The following METTL27 variants were observed in gnomAD, a reference collection of about 807,000 sequenced individuals.
The protein encoded by METTL27 is methyltransferase-like protein 27.
METTL27 carries 29 observed loss-of-function variants against 24.5 expected under a neutral mutation model. The ratio of observed to expected loss-of-function variants is 1.18; its 90% CI spans 0.88 to 1.61. The LOEUF is 1.61. Among genes scored for constraint, METTL27 ranks in the 40% most tolerant of loss-of-function variants. The pLI is 0.00. For missense variants in METTL27, 341 were observed against 324.3 expected (o/e 1.05, Z -0.40); for synonymous variants, 138 against 146.8 (o/e 0.94, Z 0.43).
intron 5 of METTL27, chr7:73,839,710 G>C (rs1788296935): frequency 6.6e-6 from 2 of 301,574 alleles, no homozygotes. Context: ...GATTTCACCT[G>C]ATTCTCACTG....
At chr7:73,842,445 A>C in intron 1 of METTL27, 45 bp downstream of exon 1, 3 of 353,846 alleles carry the variant, frequency 8.5e-6, no homozygotes, top group African/African-American at 2.1e-5. Flanking sequence ...GGTGGGCGAC[A>C]TCCGGAGCGA....
At chr7:73,840,975 C>G in intron 3 of METTL27, 95 bp downstream of exon 3, 2 of 1,382,054 alleles carry the variant, frequency 1.4e-6, no homozygotes, top group Non-Finnish European at 1.9e-6. Context: ...AACAGTGAGT[C>G]TGAGGTGTGG....
At chr7:73,836,193 CCCG>C (rs1788185799) in intron 5 of METTL27, among the ~76,000 whole-genome samples, 6 of 45,492 alleles carry the variant, frequency 1.3e-4, no homozygotes, top group Non-Finnish European at 2.6e-4. Context: ...GGGTCAGCCC[CCCG>C]CCAGGCCAGC....
intron 5 of METTL27, chr7:73,839,510 G>A (rs552619293): frequency 6.5e-6 from 1 of 153,340 alleles, no homozygotes; most frequent in East Asian, 1.9e-4. Context: ...AATGTGCAAA[G>A]TTTACAAACG....
chr7:73,836,178 TA>T (rs1788184381), intron 5 of METTL27, among the ~76,000 whole-genome samples: 2 of 59,036 alleles, frequency 3.4e-5, no homozygotes, highest in African/African-American at 1.3e-4. Context: ...GGGAGGGAGG[TA>T]GGGGGGTCAG....
At chr7:73,837,942 C>A (rs377685191) in intron 5 of METTL27, among the ~76,000 whole-genome samples, 35 of 151,820 alleles carry the variant, frequency 2.3e-4, no homozygotes, top group African/African-American at 8.5e-4. Context: ...CTCCAACTCA[C>A]GAGCTCAAGC....
At position 73,840,796 on chromosome 7, in the gene METTL27, C is replaced by T. The variant is rs551945245; in HGVS notation, c.253-247G>A. 2.0e-5 allele frequency among the ~76,000 whole-genome samples: 3 copies of T among 152,148 alleles called. No homozygotes were observed. In the South Asian group the frequency reaches 6.2e-4, roughly 32 times the overall value. On this transcript the variant is annotated intron_variant, in intron 3 of 5. Coordinates refer to ENST00000297873, the MANE Select transcript of METTL27 (RefSeq NM_152559.3). ...ACCTCAGCCTCCCATGTAGCTGGGACTACAGGCGTGCACCACCCTGCCTGG... is the reference window on the plus strand; with the variant it reads ...ACCTCAGCCTCCCATGTAGCTGGGATTACAGGCGTGCACCACCCTGCCTGG...
At chr7:73,840,592 A>C (rs1192815658) in intron 3 of METTL27, 43 bp from the exon 4 acceptor site, 1 of 1,530,386 alleles carries the variant, frequency 6.5e-7, no homozygotes, top group African/African-American at 1.4e-5. Context: ...CACACCTGCC[A>C]CTTCCCGGCT....
chr7:73,838,727 C>T (rs1251921977), intron 5 of METTL27, among the ~76,000 whole-genome samples: 1 of 152,218 alleles, frequency 6.6e-6, no homozygotes, highest in Non-Finnish European at 1.5e-5. Context: ...TTCGACCTTT[C>T]CAGCTGACCC....
rs782290369 is a variant in METTL27, at chr7:73,834,720, A to AGCTGGGG, written c.*16_*22dup. The AGCTGGGG allele has an allele frequency of 6.2e-7, 1 of 1,605,134 alleles. No individual in the cohort carries two copies. Among genetic ancestry groups the AGCTGGGG allele is most frequent in the South Asian group, 1.1e-5 (1 of 90,122 alleles). On this transcript the variant is annotated 3_prime_UTR_variant, in exon 6 of 6. Transcript: ENST00000297873. ...CTAAGGCCACATGGAGTCAGGGGCC[A>AGCTGGGG]GCTGGGGGCTGGGGGCTGGATCTCA... is the stretch of plus-strand genomic sequence containing the variant.
chr7:73,840,479 G>A lies in METTL27; in HGVS notation c.323C>T (p.Ala108Val), dbSNP rs782645246. ...GSPGMLEQAQAPGLYQRLSLC... is the reference protein window; with the variant it reads ...GSPGMLEQAQVPGLYQRLSLC... Reference sequence around the variant, plus strand: ...GCTGAGGCGCTGATAGAGGCCGGGGGCCTGGGCCTGTTCCAGCATCCCTGG... The same window carrying A: ...GCTGAGGCGCTGATAGAGGCCGGGGACCTGGGCCTGTTCCAGCATCCCTGG... The change falls in exon 4 of 6, where the codon GCC (alanine) becomes GTC (valine). Residue 108 changes from alanine (A) to valine (V), a missense_variant. Ala to Val is a moderately conservative substitution (Grantham distance 64, BLOSUM62 0). Coordinates refer to ENST00000297873, the MANE Select transcript of METTL27 (RefSeq NM_152559.3). 3.7e-6 allele frequency: 6 copies of A among 1,609,574 alleles called. No homozygotes were observed. The African/African-American group carries it at 4.0e-5, about 11-fold the overall frequency.
intron 5 of METTL27, chr7:73,839,692 A>T: frequency 3.9e-6 from 1 of 254,286 alleles, no homozygotes; most frequent in Non-Finnish European, 7.5e-6. Context: ...CAAAAACCTT[A>T]GAGACAGGAT....
chr7:73,836,529 G>A (rs1788204255), intron 5 of METTL27, among the ~76,000 whole-genome samples: 1 of 67,220 alleles, frequency 1.5e-5, no homozygotes, highest in Non-Finnish European at 3.0e-5. Flanking sequence ...CGGGAGGGAG[G>A]TGGGGGGGTC....
chr7:73,836,266 AGGAG>A (rs1788191541), intron 5 of METTL27, among the ~76,000 whole-genome samples: 1 of 101,264 alleles, frequency 9.9e-6, no homozygotes, highest in African/African-American at 3.9e-5. Flanking sequence ...CGCCCCGTCC[AGGAG>A]GGAGGTGGGG....
intron 2 of METTL27, among the ~76,000 whole-genome samples, chr7:73,841,754 C>T (rs1367209784): frequency 2.0e-5 from 3 of 152,102 alleles, no homozygotes; most frequent in Admixed American, 1.3e-4. Context: ...CTTAGGATTA[C>T]GGCTTGTGAG....
rs1424091134 is a variant in METTL27 at position 73,835,135 on chromosome 7, C to T, written c.479-133G>A. On this transcript the variant is annotated intron_variant, in intron 5 of 5. Coordinates refer to ENST00000297873, the MANE Select transcript of METTL27 (RefSeq NM_152559.3). ...TTGGGGACGCTCTCTCCCTCTCCCT[C>T]TCCCTCTCCCTCTCCCTCCTCTCCC... 4 of 1,355,300 alleles carry T rather than the reference C, an allele frequency of 3.0e-6. No individual in the cohort carries two copies. In the African/African-American group the frequency reaches 6.4e-5, roughly 22 times the overall value. The allele number at this position is 1,355,300 out of a possible 1,614,324, so 84.0% of individuals were successfully genotyped here.
chr7:73,836,477 C>T lies in METTL27; in HGVS notation c.479-1475G>A, dbSNP rs1788200999. On this transcript the variant is annotated intron_variant, in intron 5 of 5. Coordinates refer to ENST00000297873, the MANE Select transcript of METTL27 (RefSeq NM_152559.3). ...GGGCGCCTCTGCCCGGCCACCCCTA[C>T]TGGGAAGTGAGGAGCCCCTCTGCCC... Among the ~76,000 whole-genome samples, 3 of 138,950 alleles carry T rather than the reference C, an allele frequency of 2.2e-5. No homozygotes were observed. In the South Asian group the frequency reaches 7.0e-4, roughly 32 times the overall value. The allele number at this position is 138,950 out of a possible 152,430, so 91.2% of individuals were successfully genotyped here.
At chr7:73,841,016 G>T in intron 3 of METTL27, 54 bp downstream of exon 3, 1 of 1,412,596 alleles carries the variant, frequency 7.1e-7, no homozygotes, top group Non-Finnish European at 9.2e-7. Flanking sequence ...GGCAGTAGGA[G>T]ATTTGAGGAA....
intron 2 of METTL27, among the ~76,000 whole-genome samples, chr7:73,841,729 C>T (rs1788364344): frequency 6.6e-6 from 1 of 152,144 alleles, no homozygotes; most frequent in African/African-American, 2.4e-5. Flanking sequence ...CCGCCCGCCT[C>T]GGCCTCCCAA....
Sources: gnomAD v4.1 joint callset for allele counts (sites outside exome capture counted in the v4.1 genomes callset) on GRCh38, gnomAD v4.1.1 for gene constraint, MANE v1.5 for transcripts, NCBI Gene and HGNC (gene_info 2026-07-23, HGNC 2026-07-21) for gene names.